CD99L2: variants seen among roughly 807,000 people sequenced by gnomAD.
The protein encoded by CD99L2 is CD99 antigen-like protein 2.
Under a neutral mutation model 27.3 loss-of-function variants are expected in CD99L2, and 24 were observed. The observed-to-expected ratio is 0.88, with a 90% confidence interval of 0.64 to 1.24. The LOEUF (loss-of-function observed/expected upper bound fraction) is 1.24. CD99L2 is among the 50% of genes most tolerant of loss of function. The probability of loss-of-function intolerance (pLI) is 0.00; values close to 1 mark genes in which losing one functional copy is unlikely to be tolerated. For missense variants in CD99L2, 255 were observed against 221.6 expected (o/e 1.15, Z -0.96); for synonymous variants, 97 against 87.9 (o/e 1.10, Z -0.58).
intron 1 of CD99L2, among the ~76,000 whole-genome samples, chrX:150,861,141 CA>C (rs782255590): frequency 0.1 from 4,158 of 40,771 alleles, 114 homozygotes; most frequent in South Asian, 0.23. Context: ...GACTCTGTCT[CA>C]AAAAAAAAAA....
At chrX:150,793,311 G>A (rs112029723) in intron 7 of CD99L2, among the ~76,000 whole-genome samples, 174 of 112,500 alleles carry the variant, frequency 1.5e-3, no homozygotes, top group African/African-American at 5.3e-3. Flanking sequence ...AAAAATGCTC[G>A]TCATGATGAC....
intron 4 of CD99L2, among the ~76,000 whole-genome samples, chrX:150,801,859 G>GA (rs112123503): frequency 0.011 from 1,235 of 110,852 alleles, 25 homozygotes; most frequent in African/African-American, 0.039. Flanking sequence ...CTCATTTATG[G>GA]AAAAAAAATA....
At position 150,898,570 on chromosome X, in the gene CD99L2, C is replaced by A. The variant is rs1353667053; in HGVS notation, c.19G>T (p.Ala7Ser). MVAWRS[A>S]FLVCLAFSLA... ...GAGAAAGCGAGGCAGACAAGGAACGCCGAGCGCCAGGCCACCATGGCTGGG... is the reference window on the plus strand; with the variant it reads ...GAGAAAGCGAGGCAGACAAGGAACGACGAGCGCCAGGCCACCATGGCTGGG... The change falls in exon 1 of 11, where the codon GCG becomes TCG. Residue 7 changes from alanine to serine, a missense_variant. Coordinates refer to ENST00000370377, the MANE Select transcript of CD99L2 (RefSeq NM_031462.4). 4 of 1,117,293 alleles carry A rather than the reference C, an allele frequency of 3.6e-6. No homozygotes were observed. The highest frequency in any genetic ancestry group is 4.7e-6 in the Non-Finnish European group (4 of 851,199). The allele number at this position is 1,117,293 out of a possible 1,213,427, so 92.1% of individuals were successfully genotyped here. A position where few individuals can be genotyped will look rare whatever the true frequency, so the allele number is the denominator to read the frequency against.
chrX:150,789,211 C>G (rs1477353275), intron 7 of CD99L2, among the ~76,000 whole-genome samples: 2 of 104,886 alleles, frequency 1.9e-5, no homozygotes, highest in Non-Finnish European at 3.9e-5. Flanking sequence ...CAACTTCCAC[C>G]TCCCAGGTTC....
intron 1 of CD99L2, among the ~76,000 whole-genome samples, chrX:150,845,520 T>C (rs2046688889): frequency 9.0e-6 from 1 of 110,987 alleles, no homozygotes; most frequent in Non-Finnish European, 1.9e-5. Context: ...CCCTGGGACC[T>C]CAGAGATCAG....
At chrX:150,781,559 T>C (rs960711893) in intron 7 of CD99L2, among the ~76,000 whole-genome samples, 27 of 112,232 alleles carry the variant, frequency 2.4e-4, no homozygotes, top group African/African-American at 8.1e-4. Flanking sequence ...CACAATTATA[T>C]GCCAAAGAGA....
At chrX:150,865,372 G>T (rs1275014957) in intron 1 of CD99L2, among the ~76,000 whole-genome samples, 1 of 111,007 alleles carries the variant, frequency 9.0e-6, no homozygotes, top group Non-Finnish European at 1.9e-5. Flanking sequence ...CAGGGTGGGG[G>T]TATGCCTGTA....
intron 2 of CD99L2, chrX:150,818,824 G>A: frequency 2.7e-6 from 1 of 364,971 alleles, no homozygotes; most frequent in Admixed American, 2.7e-5. Context: ...CCTTCAAACT[G>A]TTTGCAGACA....
chrX:150,845,568 G>T (rs2046689512), intron 1 of CD99L2, among the ~76,000 whole-genome samples: 1 of 110,606 alleles, frequency 9.0e-6, no homozygotes, highest in African/African-American at 3.3e-5. Context: ...GAGCCACAGT[G>T]GTTAATCATT....
rs200543613 is a variant in CD99L2, at chrX:150,824,424, AGAG to A, written c.130+6804_130+6806del. On this transcript the variant is annotated intron_variant, in intron 2 of 10. Transcript: ENST00000370377. ...GAAAGAAGAAGAAAAGAAGAAGAAA[AGAG>A]AAGAAGAAGAAAGAAGAAAGAAGAA... Among the ~76,000 whole-genome samples the A allele has an allele frequency of 3.8e-3, 381 of 99,924 alleles. 6 individuals are homozygous for A. The highest frequency in any genetic ancestry group is 0.013 in the African/African-American group (357 of 27,128). 86.8% of individuals were successfully genotyped at this position (99,924 alleles called of 115,157 possible). A position where few individuals can be genotyped will look rare whatever the true frequency, so the allele number is the denominator to read the frequency against.
intron 1 of CD99L2, among the ~76,000 whole-genome samples, chrX:150,861,201 G>A (rs782342072): frequency 9.6e-6 from 1 of 104,594 alleles, no homozygotes; most frequent in East Asian, 2.9e-4. Flanking sequence ...GCAATATACA[G>A]ATTCAATGTA....
chrX:150,850,765 G>A (rs1557421576), intron 1 of CD99L2, among the ~76,000 whole-genome samples: 1 of 112,172 alleles, frequency 8.9e-6, no homozygotes, highest in Non-Finnish European at 1.9e-5. Context: ...TGCCTAAGAA[G>A]TGAGGTGTTT....
intron 1 of CD99L2, among the ~76,000 whole-genome samples, chrX:150,868,084 AAATAAT>A (rs781930485): frequency 0.091 from 8,746 of 96,349 alleles, 374 homozygotes; most frequent in Middle Eastern, 0.12. Context: ...TCCATCTCAA[AAATAAT>A]AATAATAATA....
chrX:150,790,847 T>C (rs2045675127), intron 7 of CD99L2, among the ~76,000 whole-genome samples: 1 of 112,129 alleles, frequency 8.9e-6, no homozygotes. Context: ...TGTGTATATA[T>C]ATGGTGTTAT....
intron 1 of CD99L2, among the ~76,000 whole-genome samples, chrX:150,859,160 T>G (rs899274183): frequency 4.5e-5 from 5 of 111,410 alleles, no homozygotes; most frequent in African/African-American, 1.6e-4. Context: ...CAGGAAGAAA[T>G]AGAAAATCTG....
At chrX:150,821,917 T>C (rs2046248503) in intron 2 of CD99L2, among the ~76,000 whole-genome samples, 1 of 111,927 alleles carries the variant, frequency 8.9e-6, no homozygotes, top group Non-Finnish European at 1.9e-5. Context: ...CATACATTAC[T>C]GATGGGAATG....
intron 7 of CD99L2, among the ~76,000 whole-genome samples, chrX:150,778,536 TCCTC>T (rs1557419352): frequency 6.5e-5 from 7 of 108,007 alleles, no homozygotes; most frequent in Non-Finnish European, 1.1e-4. Flanking sequence ...CTCTGTACCT[TCCTC>T]TCTATTTTTC....
intron 1 of CD99L2, among the ~76,000 whole-genome samples, chrX:150,888,026 G>A (rs2047441899): frequency 9.0e-6 from 1 of 111,566 alleles, no homozygotes; most frequent in African/African-American, 3.3e-5. Context: ...TTTAAATGAT[G>A]GCTAAGAATT....
In CD99L2 at chrX:150,772,238, G is replaced by A. The variant is rs1191796635; in HGVS notation, c.656-1869C>T. Among the ~76,000 whole-genome samples, 6 of 112,877 alleles carry A rather than the reference G, an allele frequency of 5.3e-5. No individual in the cohort carries two copies. In the East Asian group the frequency reaches 1.7e-3, roughly 32 times the overall value. The stretch of plus-strand genomic sequence containing the variant: ...CACGCAGCCCCGCCACGGAATGGAC[G>A]GTCCAGAGACTCCTGATCACGGAGG... On this transcript the variant is annotated intron_variant, in intron 9 of 10. Coordinates refer to ENST00000370377, the MANE Select transcript of CD99L2 (RefSeq NM_031462.4).
Sources: allele counts gnomAD v4.1 joint callset (sites outside exome capture counted in the v4.1 genomes callset), GRCh38; gene constraint gnomAD v4.1.1; transcripts MANE v1.5; gene names NCBI Gene and HGNC (gene_info 2026-07-23, HGNC 2026-07-21).